BLK: variants seen among roughly 807,000 people sequenced by gnomAD.
The protein encoded by BLK is BLK proto-oncogene, Src family tyrosine kinase, also known as tyrosine-protein kinase Blk.
A neutral mutation model predicts 61.8 loss-of-function variants in BLK; 64 were observed. The ratio of observed to expected loss-of-function variants is 1.03; its 90% CI spans 0.85 to 1.27. BLK has a LOEUF of 1.27. Among genes scored for constraint, BLK ranks in the 50% most tolerant of loss-of-function variants. BLK has a pLI of 0.00. For missense variants in BLK, 853 were observed against 660.5 expected, an observed-to-expected ratio of 1.29 and a Z score of -3.19; for synonymous variants, 351 against 272.0, an observed-to-expected ratio of 1.29 and a Z score of -2.86.
chr8:11,532,013 C>G (rs1441546713), intron 1 of BLK, among the ~76,000 whole-genome samples: 2 of 152,072 alleles, frequency 1.3e-5, no homozygotes, highest in Non-Finnish European at 1.5e-5. Flanking sequence ...CACCTGCCAC[C>G]AAACCCAGCT....
intron 1 of BLK, among the ~76,000 whole-genome samples, chr8:11,534,662 T>C (rs1800036350): frequency 6.6e-6 from 1 of 152,198 alleles, no homozygotes; most frequent in African/African-American, 2.4e-5. Flanking sequence ...CCACAAAAGA[T>C]CTTTTCACTT....
intron 1 of BLK, among the ~76,000 whole-genome samples, chr8:11,532,846 G>A (rs76277309): frequency 2.0e-5 from 3 of 152,228 alleles, no homozygotes; most frequent in Admixed American, 6.5e-5. Context: ...TGTTTCTTTA[G>A]AGAGTGTCAC....
At chr8:11,504,730 CT>C (rs1394567193) in intron 1 of BLK, among the ~76,000 whole-genome samples, 2 of 152,236 alleles carry the variant, frequency 1.3e-5, no homozygotes, top group Non-Finnish European at 2.9e-5. Context: ...AGTGTGCCCC[CT>C]GTTCCCACCC....
chr8:11,509,932 TATAAC>T (rs1798931387), intron 1 of BLK: 1 of 152,206 alleles, frequency 6.6e-6, no homozygotes, highest in Non-Finnish European at 1.5e-5. Context: ...TTCTTTTTAT[TATAAC>T]ATAAGCATCT....
chr8:11,515,601 A>G lies in BLK; in HGVS notation c.-2+21010A>G, dbSNP rs190987848. On this transcript the variant is annotated intron_variant, in intron 1 of 12. Transcript: ENST00000259089. ...CTGCCTCTATTTCCCCCTTCCTTCC[A>G]TTTTCTTTAACTGCATTATTTTTCT... 2.2e-3 allele frequency among the ~76,000 whole-genome samples: 325 copies of G among 150,246 alleles called. 4 individuals are homozygous for G. Among genetic ancestry groups the G allele is most frequent in the African/African-American group, 7.4e-3 (301 of 40,764 alleles).
chr8:11,519,301 C>A (rs903329428), intron 1 of BLK, among the ~76,000 whole-genome samples: 8 of 152,196 alleles, frequency 5.3e-5, no homozygotes, highest in Admixed American at 2.6e-4. Flanking sequence ...ACTGTCACAG[C>A]GTTTCTGGAC....
chr8:11,550,081 G>C (rs71518522), intron 5 of BLK, 78 bp from the exon 6 acceptor site: 10 of 1,276,584 alleles, frequency 7.8e-6, no homozygotes, highest in East Asian at 2.3e-5. Flanking sequence ...GGGACAGGCA[G>C]TGCAGGAGGG....
chr8:11,507,511 G>C (rs73209283), intron 1 of BLK, among the ~76,000 whole-genome samples: 4,823 of 152,332 alleles, frequency 0.032, 100 homozygotes, highest in Middle Eastern at 0.099. Flanking sequence ...GCTTTTAAAA[G>C]AAGGCAAGTC....
chr8:11,549,752 G>A (rs1188251978), intron 5 of BLK, among the ~76,000 whole-genome samples: 2 of 152,206 alleles, frequency 1.3e-5, no homozygotes, highest in Non-Finnish European at 2.9e-5. Flanking sequence ...ACCCCATACC[G>A]AAGGGGACAT....
rs1478236542 is a variant in BLK, at chr8:11,556,780, C to G, written c.895C>G (p.Leu299Val). The change falls in exon 9 of 13, where the codon CTC (leucine) becomes GTC (valine). Residue 299 changes from leucine (L) to valine (V), a missense_variant. By Grantham distance (32) the Leu-to-Val change is conservative. Coordinates refer to ENST00000259089, the MANE Select transcript of BLK (RefSeq NM_001715.3). ...KALQHERLVRLYAVVTKEPIY... is the reference protein window; with the variant it reads ...KALQHERLVRVYAVVTKEPIY... Reference sequence around the variant, plus strand: ...TCTGCAGCACGAGCGGCTGGTCCGACTCTACGCAGTGGTCACCAAGGAGCC... The same window carrying G: ...TCTGCAGCACGAGCGGCTGGTCCGAGTCTACGCAGTGGTCACCAAGGAGCC... 3 of 1,614,232 alleles carry G rather than the reference C, an allele frequency of 1.9e-6. No individual in the cohort carries two copies. The East Asian group carries it at 6.7e-5, about 36-fold the overall frequency.
intron 1 of BLK, among the ~76,000 whole-genome samples, chr8:11,541,479 A>G (rs756733774): frequency 2.6e-5 from 4 of 151,156 alleles, no homozygotes; most frequent in African/African-American, 4.8e-5. Context: ...CAGCCGCAAT[A>G]CAAACCCATC....
At chr8:11,546,461 C>T (rs903880757) in intron 3 of BLK, among the ~76,000 whole-genome samples, 4 of 152,192 alleles carry the variant, frequency 2.6e-5, no homozygotes, top group African/African-American at 9.7e-5. Context: ...AGGCCCTTGC[C>T]TCCAGCCCCT....
rs2736357 is a variant in BLK, at chr8:11,513,862, G to C, written c.-2+19271G>C. Among the ~76,000 whole-genome samples the C allele has an allele frequency of 2.0e-4, 30 of 152,282 alleles. No homozygotes were observed. In the Middle Eastern group the frequency reaches 0.01, roughly 52 times the overall value. ...GAGAACCCTGTGTGAAGGGGGCTTG[G>C]GGTAATGGAGCAGCTGGGCCCGACC... On this transcript the variant is annotated intron_variant, in intron 1 of 12. Coordinates refer to ENST00000259089, the MANE Select transcript of BLK (RefSeq NM_001715.3).
At chr8:11,554,151 A>G (rs948231536) in intron 6 of BLK, 2 of 157,924 alleles carry the variant, frequency 1.3e-5, no homozygotes, top group Non-Finnish European at 2.8e-5. Flanking sequence ...TACCTCCTAA[A>G]TTGTCCTTAA....
chr8:11,510,804 A>C (rs547362432), intron 1 of BLK, among the ~76,000 whole-genome samples: 8 of 143,180 alleles, frequency 5.6e-5, no homozygotes, highest in African/African-American at 7.6e-5. Flanking sequence ...TAAATAAATA[A>C]ATAAATAAAT....
At chr8:11,544,900 TC>T (rs1800555878) in intron 2 of BLK, among the ~76,000 whole-genome samples, 2 of 152,152 alleles carry the variant, frequency 1.3e-5, no homozygotes, top group Non-Finnish European at 2.9e-5. Flanking sequence ...CCTCCCAACT[TC>T]AGACAAGAAA....
Position 11,501,325 on chromosome 8 carries a change from G to C in BLK, c.-2+6734G>C, listed in dbSNP as rs1322227011. 2.0e-5 allele frequency among the ~76,000 whole-genome samples: 3 copies of C among 151,226 alleles called. No individual in the cohort carries two copies. In the East Asian group the frequency reaches 5.8e-4, roughly 29 times the overall value. ...TAGCCCATTTTCTTGATTTTATTTG[G>C]TGCTTTATGGGAAAGGCTAAACTCT... On this transcript the variant is annotated intron_variant, in intron 1 of 12. Coordinates refer to ENST00000259089, the MANE Select transcript of BLK (RefSeq NM_001715.3).
chr8:11,561,721 C>T (rs944320661), intron 11 of BLK, among the ~76,000 whole-genome samples: 15 of 152,152 alleles, frequency 9.9e-5, no homozygotes, highest in Admixed American at 9.2e-4. Context: ...TGGAGATTCC[C>T]AGTGCACATC....
At chr8:11,555,922 G>C (rs369314832) in intron 8 of BLK, 1 of 322,568 alleles carries the variant, frequency 3.1e-6, no homozygotes, top group Non-Finnish European at 6.1e-6. Context: ...CTCCAGGCCT[G>C]GTGTCCTCAC....
Sources: allele counts gnomAD v4.1 joint callset (sites outside exome capture counted in the v4.1 genomes callset), GRCh38; gene constraint gnomAD v4.1.1; transcripts MANE v1.5; gene names NCBI Gene and HGNC (gene_info 2026-07-23, HGNC 2026-07-21).